The following LAMA5 variants were observed in gnomAD, a reference collection of about 807,000 sequenced individuals.
LAMA5 encodes laminin subunit alpha 5.
In LAMA5, 260 loss-of-function variants were observed where a neutral mutation model predicts 433.4. That is an observed-to-expected ratio of 0.60 (90% CI 0.54 to 0.66). The LOEUF is 0.66. Ranked by LOEUF, LAMA5 falls within the 30% of genes least tolerant of loss-of-function variation. The pLI, the probability that LAMA5 is intolerant of heterozygous loss-of-function variation, is 0.00. For synonymous variants in LAMA5, 2,620 were observed against 2,226.6 expected (o/e 1.18, Z -4.97); for missense variants, 5,378 against 5,258.5 (o/e 1.02, Z -0.70).
rs6121986 is a variant in LAMA5, at chr20:62,309,660, C to T, written c.10948+56G>A. The T allele has an allele frequency of 1.4e-3, 649 of 460,300 alleles. 6 individuals are homozygous for T. In the African/African-American group the frequency reaches 0.031, roughly 22 times the overall value. 28.5% of individuals were successfully genotyped at this position (460,300 alleles called of 1,614,324 possible). A position where few individuals can be genotyped will look rare whatever the true frequency, so the allele number is the denominator to read the frequency against. ...GGGGTGGGGGGAGGGTGGTAGGTTA[C>T]GCAGCACCTAGTCCTGAGGGGCAGC... On this transcript the variant is annotated intron_variant, in intron 79 of 79. Coordinates refer to ENST00000252999, the MANE Select transcript of LAMA5 (RefSeq NM_005560.6).
At chr20:62,362,370 G>T in intron 2 of LAMA5, 30 bp downstream of exon 2, 1 of 1,472,062 alleles carries the variant, frequency 6.8e-7, no homozygotes, top group Non-Finnish European at 9.1e-7. Flanking sequence ...ACAGAGATGG[G>T]GGCTGCAGCA....
chr20:62,356,204 G>C (rs1985201446), intron 2 of LAMA5: 1 of 152,348 alleles, frequency 6.6e-6, no homozygotes, highest in Admixed American at 6.5e-5. Context: ...AGGGGCCCTG[G>C]ACAGCTGTCC....
chr20:62,319,768 G>A lies in LAMA5; in HGVS notation c.6787C>T (p.Gln2263Ter). Residue 2263 changes from glutamine to a stop codon, truncating the protein, a stop_gained, in exon 51 of 80, where the codon CAA (glutamine) becomes TAA (stop). Transcript: ENST00000252999. LOFTEE classifies it high-confidence loss of function. ...QAVGTRDQASQLLAGTEATLG... is the reference protein window; with the variant it reads ...QAVGTRDQAS ...GTGGCCTCGGTGCCGGCCAGCAATTGGCTCGCCTGGTCTCGGGTCCCCACG... is the reference window on the plus strand; with the variant it reads ...GTGGCCTCGGTGCCGGCCAGCAATTAGCTCGCCTGGTCTCGGGTCCCCACG... 6.5e-7 allele frequency: 1 copy of A among 1,547,932 alleles called. No homozygotes were observed. Among genetic ancestry groups the A allele is most frequent in the South Asian group, 1.2e-5 (1 of 84,088 alleles).
At chr20:62,330,458 G>C in intron 31 of LAMA5, 30 bp downstream of exon 31, 1 of 1,509,286 alleles carries the variant, frequency 6.6e-7, no homozygotes, top group South Asian at 1.3e-5. Context: ...GTGTGTGGTA[G>C]CCTCTCCACC....
At chr20:62,321,730 T>C (rs1427186698) in intron 48 of LAMA5, among the ~76,000 whole-genome samples, 94 of 7,904 alleles carry the variant, frequency 0.012, 3 homozygotes, top group East Asian at 0.035. Flanking sequence ...GTGGGGTCAG[T>C]GGAGGGGTGG....
At chr20:62,320,454 C>A in intron 50 of LAMA5, 105 bp downstream of exon 50, 1 of 829,618 alleles carries the variant, frequency 1.2e-6, no homozygotes, top group Non-Finnish European at 1.9e-6. Flanking sequence ...CCTGCACTGA[C>A]ACATGTACGA....
intron 62 of LAMA5, 50 bp downstream of exon 62, chr20:62,314,254 G>A (rs1286153979): frequency 2.5e-6 from 4 of 1,589,082 alleles, no homozygotes; most frequent in Middle Eastern, 1.9e-4. Flanking sequence ...TGGCGAACGG[G>A]CAAGGGCCCT....
At position 62,317,680 on chromosome 20, in the gene LAMA5, G is replaced by A; in HGVS notation, c.7338C>T (p.Ser2446=). The A allele has an allele frequency of 6.3e-7, 1 of 1,594,426 alleles. No homozygotes were observed. The highest frequency in any genetic ancestry group is 1.3e-5 in the African/African-American group (1 of 74,488). Reference sequence around the variant, plus strand: ...CACTCACCTCCTTAGCCTGGTCCAGGCTGTGCAGCAATCTGAAGACGCTGG... The same window carrying A: ...CACTCACCTCCTTAGCCTGGTCCAGACTGTGCAGCAATCTGAAGACGCTGG... ...TLASVFRLLH[S]LDQAKEELER... The change falls in exon 54 of 80, where the codon AGC becomes AGT. Residue 2446 remains serine (S), a synonymous_variant. Coordinates refer to ENST00000252999, the MANE Select transcript of LAMA5 (RefSeq NM_005560.6).
In LAMA5 at chr20:62,316,770, C is replaced by T. The variant is rs754531360; in HGVS notation, c.7657G>A (p.Val2553Met). Residue 2553 changes from valine (V) to methionine (M), a missense_variant, in exon 57 of 80, where the codon GTG (valine) becomes ATG (methionine). Val to Met is a conservative substitution (Grantham distance 21). Coordinates refer to ENST00000252999, the MANE Select transcript of LAMA5 (RefSeq NM_005560.6). ...CGGTCCACCAGGCCCTGCCGCACCA[C>T]CGTCTGTGGATGCCAGGGCAGACCG... The part of the protein sequence containing the change: ...LQQADHTWAT[V>M]VRQGLVDRAQ... 3.7e-6 allele frequency: 6 copies of T among 1,603,970 alleles called. No homozygotes were observed. In the East Asian group the frequency reaches 1.1e-4, roughly 30 times the overall value.
chr20:62,311,947 T>C lies in LAMA5; in HGVS notation c.9608A>G (p.Tyr3203Cys), dbSNP rs1364803372. 2 of 1,612,402 alleles carry C rather than the reference T, an allele frequency of 1.2e-6. No homozygotes were observed. Among genetic ancestry groups the C allele is most frequent in the Non-Finnish European group, 1.7e-6 (2 of 1,179,814 alleles). ...CGTGGCATTGCTGTAGAAGGCGACG[T>C]AATGGGGGGCACCATCGGCGAAGCC... Reference protein sequence around the residue: ...QAGFADGAPHYVAFYSNATGV... With the variant: ...QAGFADGAPHCVAFYSNATGV... The change falls in exon 70 of 80, where the codon TAC becomes TGC. Residue 3203 changes from tyrosine (Y) to cysteine (C), a missense_variant. Tyr to Cys is a radical substitution (Grantham distance 194). Coordinates refer to ENST00000252999, the MANE Select transcript of LAMA5 (RefSeq NM_005560.6).
intron 2 of LAMA5, among the ~76,000 whole-genome samples, chr20:62,354,814 C>T (rs1984922137): frequency 6.6e-6 from 1 of 152,148 alleles, no homozygotes; most frequent in African/African-American, 2.4e-5. Context: ...CTGTCACAAG[C>T]CTGGAGGCTC....
At position 62,336,267 on chromosome 20, in the gene LAMA5, T is replaced by C. The variant is rs186405390; in HGVS notation, c.2323+73A>G. The C allele has an allele frequency of 9.5e-4, 1,063 of 1,114,300 alleles. 6 individuals are homozygous for C. In the African/African-American group the frequency reaches 0.016, roughly 17 times the overall value. 69.0% of individuals were successfully genotyped at this position (1,114,300 alleles called of 1,614,324 possible). ...CTCCAGGAACCCTGCACCCCAACAC[T>C]CCCTCCAGGATATACTTGTGGGCAC... On this transcript the variant is annotated intron_variant, in intron 18 of 79. Transcript: ENST00000252999.
At chr20:62,316,827 G>T in intron 56 of LAMA5, 54 bp from the exon 57 acceptor site, 1 of 1,551,268 alleles carries the variant, frequency 6.4e-7, no homozygotes, top group South Asian at 1.2e-5. Context: ...GGCTGCGGGA[G>T]GTGCAGGCAG....
rs933360501 is a variant in LAMA5, at chr20:62,347,046, G to A, written c.957-18C>T. ...ACTGCAGCCTGTGGGGTACACAGGA[G>A]GGGGGATCAGGCCCATCCTGGAGGC... is the stretch of plus-strand genomic sequence containing the variant. On this transcript the variant is annotated intron_variant, in intron 6 of 79. Transcript: ENST00000252999. 6 of 1,585,952 alleles carry A rather than the reference G, an allele frequency of 3.8e-6. No individual in the cohort carries two copies. The South Asian group carries it at 4.4e-5, about 12-fold the overall frequency.
intron 45 of LAMA5, among the ~76,000 whole-genome samples, chr20:62,323,243 TCGCTGGGGC>T (rs1978635878): frequency 1.8e-5 from 2 of 113,454 alleles, no homozygotes; most frequent in Non-Finnish European, 3.9e-5. Context: ...AGGGGCCTGA[TCGCTGGGGC>T]GGGAGGGCCT....
At chr20:62,323,352 C>T in intron 45 of LAMA5, 104 bp downstream of exon 45, 1 of 962,694 alleles carries the variant, frequency 1.0e-6, no homozygotes, top group Admixed American at 2.8e-5. Context: ...CCTGGCTGGG[C>T]CCCAGCATCA....
intron 6 of LAMA5, among the ~76,000 whole-genome samples, chr20:62,347,711 T>C (rs1983599425): frequency 2.6e-5 from 4 of 152,174 alleles, no homozygotes; most frequent in Admixed American, 2.6e-4. Context: ...TGCTCAGTAT[T>C]AGCCAGACCA....
chr20:62,355,141 A>C (rs749862), intron 2 of LAMA5: 121,340 of 152,300 alleles, frequency 0.8, 50,656 homozygotes, highest in East Asian at 0.94. Flanking sequence ...ACAGGTGGGC[A>C]CCCAGGTGGG....
intron 52 of LAMA5, 23 bp from the exon 53 acceptor site, chr20:62,318,673 T>A: frequency 6.2e-7 from 1 of 1,604,448 alleles, no homozygotes; most frequent in Non-Finnish European, 8.5e-7. Flanking sequence ...AGGGTGAGGG[T>A]GGTCACTCTG....
Sources: gnomAD v4.1 joint callset for allele counts (sites outside exome capture counted in the v4.1 genomes callset) on GRCh38, gnomAD v4.1.1 for gene constraint, MANE v1.5 for transcripts, NCBI Gene and HGNC (gene_info 2026-07-23, HGNC 2026-07-21) for gene names.